LOC122539214: variants seen among roughly 807,000 people sequenced by gnomAD.
the LOC122539214 span, among the ~76,000 whole-genome samples, chr19:52,678,193 C>G: frequency 6.6e-6 from 1 of 151,902 alleles, no homozygotes; most frequent in African/African-American, 2.4e-5. Context: ...TGGCTCAAGC[C>G]TGTAATCCTA....
chr19:52,670,478 G>A, the LOC122539214 span, among the ~76,000 whole-genome samples: 3 of 151,990 alleles, frequency 2.0e-5, no homozygotes, highest in Non-Finnish European at 4.4e-5. Flanking sequence ...TAAGTAAATT[G>A]CCTTTCTGAG....
the LOC122539214 span, among the ~76,000 whole-genome samples, chr19:52,661,132 T>G: frequency 2.0e-5 from 3 of 151,814 alleles, no homozygotes; most frequent in African/African-American, 2.4e-5. Flanking sequence ...CAAAGAGCTA[T>G]GATTACAGGG....
chr19:52,689,951 C>G, the LOC122539214 span, among the ~76,000 whole-genome samples: 1 of 152,176 alleles, frequency 6.6e-6, no homozygotes, highest in Non-Finnish European at 1.5e-5. Context: ...TGGGGAGCAG[C>G]AGGGCCCGGC....
chr19:52,688,342 T>G, the LOC122539214 span, among the ~76,000 whole-genome samples: 5 of 151,904 alleles, frequency 3.3e-5, no homozygotes, highest in East Asian at 7.8e-4. Flanking sequence ...GATTAATTTT[T>G]TTTTTTTTTT....
the LOC122539214 span, among the ~76,000 whole-genome samples, chr19:52,674,641 A>C: frequency 1.3e-5 from 2 of 152,346 alleles, no homozygotes; most frequent in East Asian, 3.9e-4. Flanking sequence ...AAAATTTTAA[A>C]AGGAAATTAA....
At chr19:52,680,681 C>T in the LOC122539214 span, among the ~76,000 whole-genome samples, 39 of 133,028 alleles carry the variant, frequency 2.9e-4, 1 homozygote, top group East Asian at 1.1e-3. Context: ...GGCGCGATCT[C>T]GGCTCACTGC....
chr19:52,669,045 T>A, the LOC122539214 span, among the ~76,000 whole-genome samples: 20 of 128,286 alleles, frequency 1.6e-4, no homozygotes, highest in Admixed American at 1.5e-3. Context: ...GAGCTTAAAA[T>A]TTTTCAAAAG....
the LOC122539214 span, chr19:52,660,975 T>C: frequency 0.28 from 42,868 of 152,100 alleles, 6,271 homozygotes; most frequent in Middle Eastern, 0.35. Context: ...AGGAATTCTC[T>C]TGCCTCAGTG....
the LOC122539214 span, among the ~76,000 whole-genome samples, chr19:52,678,133 G>T: frequency 6.6e-6 from 1 of 151,836 alleles, no homozygotes; most frequent in African/African-American, 2.4e-5. Flanking sequence ...ACAATAATGC[G>T]CTAACTAAAA....
the LOC122539214 span, among the ~76,000 whole-genome samples, chr19:52,657,134 T>G: frequency 6.6e-6 from 1 of 151,400 alleles, no homozygotes; most frequent in African/African-American, 2.4e-5. Context: ...TCCCAAAAGT[T>G]GGAAGCTCAT....
the LOC122539214 span, chr19:52,655,509 G>A: frequency 7.1e-7 from 1 of 1,414,960 alleles, no homozygotes; most frequent in Non-Finnish European, 9.8e-7. Context: ...ACCAGGAAGA[G>A]CCAAGATAGA....
the LOC122539214 span, among the ~76,000 whole-genome samples, chr19:52,686,649 C>T: frequency 2.0e-5 from 3 of 152,112 alleles, no homozygotes; most frequent in African/African-American, 7.2e-5. Flanking sequence ...TTTCAGCTCA[C>T]TGCAACCTCT....
the LOC122539214 span, among the ~76,000 whole-genome samples, chr19:52,672,659 G>A: frequency 6.6e-6 from 1 of 152,180 alleles, no homozygotes; most frequent in Admixed American, 6.5e-5. Flanking sequence ...GGGTGCAATG[G>A]CACGGTCTCG....
chr19:52,668,723 C>A, the LOC122539214 span, among the ~76,000 whole-genome samples: 905 of 152,328 alleles, frequency 5.9e-3, 9 homozygotes, highest in African/African-American at 0.021. Flanking sequence ...AATATTCCCT[C>A]TGCATGTTGA....
the LOC122539214 span, among the ~76,000 whole-genome samples, chr19:52,685,325 G>A: frequency 6.6e-5 from 10 of 152,244 alleles, no homozygotes; most frequent in African/African-American, 2.4e-4. Context: ...AGGTGTGTCT[G>A]AATTCTTACA....
chr19:52,659,060 T>G, the LOC122539214 span, among the ~76,000 whole-genome samples: 1 of 152,110 alleles, frequency 6.6e-6, no homozygotes, highest in Non-Finnish European at 1.5e-5. Context: ...TACGTTTCAT[T>G]CATCCGTCTG....
the LOC122539214 span, among the ~76,000 whole-genome samples, chr19:52,680,715 C>T: frequency 2.1e-5 from 3 of 141,216 alleles, no homozygotes; most frequent in Non-Finnish European, 4.5e-5. Flanking sequence ...CGGGTTCACG[C>T]CATTCTCCTG....
chr19:52,687,616 G>GTATATATATATATAATGTATATATATATA, the LOC122539214 span, among the ~76,000 whole-genome samples: 30 of 15,808 alleles, frequency 1.9e-3, 1 homozygote, highest in Non-Finnish European at 2.1e-4. Flanking sequence ...TATATAATGT[G>GTATATATATATATAATGTATATATATATA]TATATATATA....
chr19:52,659,712 T>C, the LOC122539214 span, among the ~76,000 whole-genome samples: 1 of 151,806 alleles, frequency 6.6e-6, no homozygotes, highest in African/African-American at 2.4e-5. Flanking sequence ...AATTTCTAAT[T>C]TCAGGATGCA....
Sources: allele counts gnomAD v4.1 joint callset (sites outside exome capture counted in the v4.1 genomes callset), GRCh38; gene constraint gnomAD v4.1.1; transcripts MANE v1.5.